The following SGCZ variants were observed in gnomAD, a reference collection of about 807,000 sequenced individuals.
The protein encoded by SGCZ is zeta-sarcoglycan.
A neutral mutation model predicts 41.3 loss-of-function variants in SGCZ; 40 were observed. That is an observed-to-expected ratio of 0.97 (90% CI 0.75 to 1.26). The LOEUF is 1.26. SGCZ is among the 50% of genes most tolerant of loss of function. The probability of loss-of-function intolerance (pLI) is 0.00; values close to 1 mark genes in which losing one functional copy is unlikely to be tolerated. For missense variants in SGCZ, 552 were observed against 369.8 expected, an observed-to-expected ratio of 1.49 and a Z score of -4.04; for synonymous variants, 206 against 137.5, an observed-to-expected ratio of 1.50 and a Z score of -3.49.
chr8:14,677,401 C>T (rs2117529421), intron 1 of SGCZ, among the ~76,000 whole-genome samples: 1 of 152,200 alleles, frequency 6.6e-6, no homozygotes. Flanking sequence ...AGATATAATG[C>T]AACCCAATCA....
intron 3 of SGCZ, chr8:14,319,429 A>C (rs1411491873): frequency 6.6e-6 from 1 of 152,054 alleles, no homozygotes; most frequent in Non-Finnish European, 1.5e-5. Context: ...AGCATGAATG[A>C]TTTCAAGGAT....
At chr8:14,828,338 G>C (rs1211990982) in intron 1 of SGCZ, among the ~76,000 whole-genome samples, 1 of 152,166 alleles carries the variant, frequency 6.6e-6, no homozygotes, top group Admixed American at 6.5e-5. Context: ...TAATTGAAGA[G>C]AAGCAATGAT....
At chr8:15,011,518 T>C (rs1360453257) in intron 1 of SGCZ, among the ~76,000 whole-genome samples, 7 of 152,202 alleles carry the variant, frequency 4.6e-5, no homozygotes, top group Non-Finnish European at 1.0e-4. Context: ...AATCTTTAAG[T>C]TTACCTCATT....
chr8:15,219,662 A>G (rs1801526199), intron 1 of SGCZ, among the ~76,000 whole-genome samples: 1 of 152,170 alleles, frequency 6.6e-6, no homozygotes, highest in Admixed American at 6.5e-5. Context: ...CCGGAATGCT[A>G]CTATTCACCT....
At chr8:14,892,713 T>C (rs1805059915) in intron 1 of SGCZ, among the ~76,000 whole-genome samples, 1 of 152,210 alleles carries the variant, frequency 6.6e-6, no homozygotes, top group Non-Finnish European at 1.5e-5. Context: ...CAACACTTTT[T>C]AACAGTATAA....
intron 1 of SGCZ, among the ~76,000 whole-genome samples, chr8:15,078,726 A>AAT (rs138240068): frequency 0.11 from 16,943 of 151,688 alleles, 1,521 homozygotes; most frequent in East Asian, 0.29. Flanking sequence ...TATATACACA[A>AAT]ATATATATAT....
At chr8:14,538,453 C>G (rs1248780449) in intron 2 of SGCZ, among the ~76,000 whole-genome samples, 2 of 151,766 alleles carry the variant, frequency 1.3e-5, no homozygotes, top group African/African-American at 4.8e-5. Context: ...ATGGGTGAAC[C>G]AAGAGAAACT....
chr8:15,218,824 G>C (rs926160306), intron 1 of SGCZ, among the ~76,000 whole-genome samples: 18 of 152,164 alleles, frequency 1.2e-4, no homozygotes, highest in African/African-American at 4.3e-4. Context: ...TCTATATGCA[G>C]TAGGTACAAT....
At chr8:14,843,592 T>C (rs1802999024) in intron 1 of SGCZ, among the ~76,000 whole-genome samples, 1 of 152,134 alleles carries the variant, frequency 6.6e-6, no homozygotes, top group Admixed American at 6.6e-5. Flanking sequence ...ATAAAAAATA[T>C]ATTACATGTG....
At chr8:14,217,979 T>A (rs1047840948) in intron 4 of SGCZ, among the ~76,000 whole-genome samples, 1 of 152,078 alleles carries the variant, frequency 6.6e-6, no homozygotes, top group Admixed American at 6.6e-5. Context: ...GGAAGTGTTC[T>A]CAATCTGGTA....
At chr8:14,249,414 T>G (rs1454565791) in intron 3 of SGCZ, among the ~76,000 whole-genome samples, 1 of 152,118 alleles carries the variant, frequency 6.6e-6, no homozygotes, top group Non-Finnish European at 1.5e-5. Flanking sequence ...TTCTTTATAA[T>G]AAATCTCTTT....
At chr8:15,180,477 T>C (rs971416772) in intron 1 of SGCZ, among the ~76,000 whole-genome samples, 12 of 152,162 alleles carry the variant, frequency 7.9e-5, no homozygotes, top group African/African-American at 2.9e-4. Flanking sequence ...ATCTGCTCTT[T>C]TATTGCTTTG....
chr8:14,513,483 G>A (rs1053665503), intron 2 of SGCZ, among the ~76,000 whole-genome samples: 3 of 97,094 alleles, frequency 3.1e-5, no homozygotes, highest in African/African-American at 1.4e-4. Context: ...GGTTATTTTA[G>A]ACCAATTGAT....
intron 3 of SGCZ, among the ~76,000 whole-genome samples, chr8:14,256,459 C>T (rs754639988): frequency 6.6e-6 from 1 of 152,112 alleles, no homozygotes; most frequent in African/African-American, 2.4e-5. Context: ...AACATTTCAG[C>T]TCCTTCAGAA....
At chr8:14,582,278 G>A (rs1385978028) in intron 1 of SGCZ, among the ~76,000 whole-genome samples, 1 of 152,056 alleles carries the variant, frequency 6.6e-6, no homozygotes, top group African/African-American at 2.4e-5. Context: ...TAGTAGTTAC[G>A]TTTGGGGGGA....
At chr8:15,050,193 A>G (rs190350394) in intron 1 of SGCZ, among the ~76,000 whole-genome samples, 20 of 152,084 alleles carry the variant, frequency 1.3e-4, no homozygotes, top group Admixed American at 1.2e-3. Context: ...TCTGGCTTAG[A>G]CTCCTGAGGA....
chr8:14,296,661 T>A (rs1261822464), intron 3 of SGCZ, among the ~76,000 whole-genome samples: 1 of 152,032 alleles, frequency 6.6e-6, no homozygotes, highest in East Asian at 1.9e-4. Context: ...TAGACTAGGG[T>A]ACATTAAACT....
intron 1 of SGCZ, among the ~76,000 whole-genome samples, chr8:14,629,230 G>A (rs568828545): frequency 1.3e-5 from 2 of 152,144 alleles, no homozygotes; most frequent in Non-Finnish European, 2.9e-5. Flanking sequence ...CTGTAGAATG[G>A]AGTTACTAAA....
At chr8:14,145,412 G>T (rs1431248906) in intron 5 of SGCZ, among the ~76,000 whole-genome samples, 1 of 151,738 alleles carries the variant, frequency 6.6e-6, no homozygotes, top group Non-Finnish European at 1.5e-5. Flanking sequence ...GCAGATACAG[G>T]TTAGATCACA....
Sources: gnomAD v4.1 joint callset for allele counts (sites outside exome capture counted in the v4.1 genomes callset) on GRCh38, gnomAD v4.1.1 for gene constraint, MANE v1.5 for transcripts, NCBI Gene and HGNC (gene_info 2026-07-23, HGNC 2026-07-21) for gene names.